The following AIFM1 variants were observed in gnomAD, a reference collection of about 807,000 sequenced individuals.
The protein encoded by AIFM1 is apoptosis inducing factor mitochondria associated 1.
Under a neutral mutation model 51.7 loss-of-function variants are expected in AIFM1, and 3 were observed. The observed-to-expected ratio is 0.06, with a 90% CI of 0.03 to 0.15. AIFM1 has a LOEUF of 0.15. AIFM1 is among the 10% of genes least tolerant of loss of function. AIFM1 has a pLI of 1.00. For missense variants in AIFM1, 330 were observed against 476.8 expected (o/e 0.69, Z 2.87); for synonymous variants, 178 against 179.4 (o/e 0.99, Z 0.06).
intron 9 of AIFM1, chrX:130,137,829 G>T: frequency 1.3e-6 from 1 of 770,662 alleles, no homozygotes. Context: ...TTGGGTGGCC[G>T]AGGTGGGTGG....
rs753119555 is a variant in AIFM1, at chrX:130,129,537, G to A, written c.*20C>T. 2 of 1,204,522 alleles carry A rather than the reference G, an allele frequency of 1.7e-6. No individual in the cohort carries two copies. The highest frequency in any genetic ancestry group is 3.5e-5 in the South Asian group (2 of 56,852). On this transcript the variant is annotated 3_prime_UTR_variant, in exon 16 of 16. Transcript: ENST00000287295. ...TCCTCTCAGGGGCTGCAGTGGGTTT[G>A]CCAATTCCACTGTGGGGCTTCAGTC...
chrX:130,163,307 A>G (rs916610288), intron 1 of AIFM1, among the ~76,000 whole-genome samples: 3 of 106,256 alleles, frequency 2.8e-5, no homozygotes, highest in Non-Finnish European at 5.8e-5. Flanking sequence ...TCCGCCTCAA[A>G]AAAAAAAAAA....
At position 130,149,582 on chromosome X, in the gene AIFM1, C is replaced by A. The variant is rs1196067086; in HGVS notation, c.250-14G>T. 8.9e-7 allele frequency: 1 copy of A among 1,129,086 alleles called. No homozygotes were observed. The highest frequency in any genetic ancestry group is 1.8e-5 in the African/African-American group (1 of 55,281). 93.0% of individuals were successfully genotyped at this position (1,129,086 alleles called of 1,213,427 possible). ...AGTCTTGTAGGCCTGCGGATCCAAA[C>A]ATGGAGAAAGTTTATTTCACCATAC... On this transcript the variant is annotated splice_polypyrimidine_tract_variant and intron_variant, in intron 2 of 15. Coordinates refer to ENST00000287295, the MANE Select transcript of AIFM1 (RefSeq NM_004208.4).
chrX:130,130,262 G>A lies in AIFM1; in HGVS notation c.1574-96C>T, dbSNP rs1052353171. The A allele has an allele frequency of 5.0e-6, 5 of 1,002,781 alleles. No homozygotes were observed. The Admixed American group carries it at 1.1e-4, about 23-fold the overall frequency. The allele number at this position is 1,002,781 out of a possible 1,213,427, so 82.6% of individuals were successfully genotyped here. On this transcript the variant is annotated intron_variant, in intron 14 of 15. Coordinates refer to ENST00000287295, the MANE Select transcript of AIFM1 (RefSeq NM_004208.4). ...ATTCTAGAAGCCAACAGTCTTTCGA[G>A]GCCTGCTTCAAGCTACTTCTAGAGG...
intron 13 of AIFM1, among the ~76,000 whole-genome samples, chrX:130,132,658 C>T (rs1017072504): frequency 1.8e-5 from 2 of 112,764 alleles, no homozygotes; most frequent in African/African-American, 6.4e-5. Flanking sequence ...CGGCCTTGGC[C>T]TCCCAAAGTG....
In AIFM1 at chrX:130,165,798, C is replaced by T; in HGVS notation, c.-142G>A. 1.8e-6 allele frequency: 1 copy of T among 565,833 alleles called. No homozygotes were observed. The highest frequency in any genetic ancestry group is 2.4e-5 in the South Asian group (1 of 40,833). 46.6% of individuals were successfully genotyped at this position (565,833 alleles called of 1,213,427 possible). A position where few individuals can be genotyped will look rare whatever the true frequency, so the allele number is the denominator to read the frequency against. On this transcript the variant is annotated 5_prime_UTR_variant, in exon 1 of 16. It removes an upstream start codon present in the reference 5' UTR. Transcript: ENST00000287295. ...ACTCCTCCTCCCAGCTCCGGGTGGG[C>T]ATTGGACAGAGAAGCCGGCCTGCTA...
At chrX:130,134,798 C>T (rs2030256385) in intron 12 of AIFM1, among the ~76,000 whole-genome samples, 1 of 111,766 alleles carries the variant, frequency 8.9e-6, no homozygotes, top group African/African-American at 3.3e-5. Flanking sequence ...AAAAATCCAA[C>T]GAGTGAGCAA....
intron 1 of AIFM1, 144 bp downstream of exon 1, chrX:130,165,407 A>C (rs1454828844): frequency 3.7e-6 from 2 of 537,847 alleles, no homozygotes; most frequent in Non-Finnish European, 6.6e-6. Flanking sequence ...TGCAAGACTC[A>C]GGGTTCGGAG....
chrX:130,143,574 GA>G (rs774865869), intron 6 of AIFM1, among the ~76,000 whole-genome samples: 3 of 111,092 alleles, frequency 2.7e-5, no homozygotes, highest in African/African-American at 9.8e-5. Context: ...ATACTGGCTG[GA>G]CACGATGGCT....
At chrX:130,146,451 ATGTGTG>A (rs60694841) in intron 5 of AIFM1, among the ~76,000 whole-genome samples, 2,859 of 89,299 alleles carry the variant, frequency 0.032, 84 homozygotes, top group East Asian at 0.1. Flanking sequence ...CTCTCAAAAT[ATGTGTG>A]TGTGTGTGTG....
chrX:130,138,605 G>C lies in AIFM1; in HGVS notation c.955C>G (p.Leu319Val). Residue 319 changes from leucine to valine, a missense_variant, in exon 9 of 16, where the codon CTT becomes GTT. This residue lies in a region of AIFM1 where 152 missense variants were observed against 292.8 expected (regional missense o/e 0.52). Transcript: ENST00000287295. ...GFLGSELACA[L>V]GRKARALGTE... ...CCTCAATACTCACCCTTTCTGCCAA[G>C]AGCACAGGCCAGTTCGCTACCAAGG... 8.3e-7 allele frequency: 1 copy of C among 1,206,222 alleles called. No homozygotes were observed.
At chrX:130,160,182 T>C (rs1308068446) in intron 1 of AIFM1, among the ~76,000 whole-genome samples, 2 of 112,364 alleles carry the variant, frequency 1.8e-5, no homozygotes, top group Non-Finnish European at 3.7e-5. Flanking sequence ...TTGTAAAATG[T>C]ACTAAGTATT....
intron 6 of AIFM1, among the ~76,000 whole-genome samples, chrX:130,144,436 T>C (rs1024134179): frequency 1.8e-5 from 2 of 112,365 alleles, no homozygotes; most frequent in Admixed American, 1.9e-4. Flanking sequence ...TGCCACTTCC[T>C]AACTTGTACC....
At chrX:130,135,402 T>C (rs1025743926) in intron 12 of AIFM1, among the ~76,000 whole-genome samples, 4 of 89,282 alleles carry the variant, frequency 4.5e-5, no homozygotes, top group Non-Finnish European at 6.3e-5. Context: ...ATTACTTTTA[T>C]AACAGGTTAA....
At chrX:130,165,409 G>C (rs2031496788) in intron 1 of AIFM1, 142 bp downstream of exon 1, 3 of 545,257 alleles carry the variant, frequency 5.5e-6, no homozygotes, top group Non-Finnish European at 9.6e-6. Flanking sequence ...CAAGACTCAG[G>C]GTTCGGAGTC....
chrX:130,160,086 A>T (rs2031300023), intron 1 of AIFM1, among the ~76,000 whole-genome samples: 1 of 112,257 alleles, frequency 8.9e-6, no homozygotes, highest in Non-Finnish European at 1.9e-5. Flanking sequence ...TATTTAAACT[A>T]CTGCTTGAAA....
At chrX:130,129,653 G>A (rs1184702427) in intron 15 of AIFM1, 25 bp from the exon 16 acceptor site, 2 of 1,180,539 alleles carry the variant, frequency 1.7e-6, no homozygotes, top group Admixed American at 2.2e-5. Context: ...GTAACAATAG[G>A]TCCCTAACTT....
rs1395668909 is a variant in AIFM1, at chrX:130,131,695, T to C, written c.1553A>G (p.Lys518Arg). Residue 518 changes from lysine to arginine, a missense_variant, in exon 14 of 16, where the codon AAA becomes AGA. Transcript: ENST00000287295. ...FAKATAQDNP[K>R]SATEQSGTGI... is the part of the protein sequence containing the mutation. ...CTTACCTGACTGCTCTGTGGCAGAT[T>C]TGGGGTTGTCTTGTGCAGTTGCTTT... 1 of 1,211,814 alleles carries C rather than the reference T, an allele frequency of 8.3e-7. No individual in the cohort carries two copies. Among genetic ancestry groups the C allele is most frequent in the Admixed American group, 2.2e-5 (1 of 46,036 alleles).
chrX:130,150,726 G>A (rs1231580984), intron 2 of AIFM1, among the ~76,000 whole-genome samples: 3 of 105,881 alleles, frequency 2.8e-5, no homozygotes, highest in African/African-American at 1.0e-4. Flanking sequence ...TGTAATCCCA[G>A]CACTTTGGGA....
Sources: allele counts gnomAD v4.1 joint callset (sites outside exome capture counted in the v4.1 genomes callset), GRCh38; gene constraint gnomAD v4.1.1; regional missense constraint gnomAD v4.1.1; transcripts MANE v1.5; gene names NCBI Gene and HGNC (gene_info 2026-07-23, HGNC 2026-07-21).